Variants in ITK observed in about 807,000 individuals in gnomAD.
The protein encoded by ITK is IL2 inducible T cell kinase.
Under a neutral mutation model 87.6 loss-of-function variants are expected in ITK, and 45 were observed. That is an observed-to-expected ratio of 0.51 (90% CI 0.40 to 0.66). ITK has a LOEUF of 0.66. Ranked by LOEUF, ITK falls within the 30% of genes least tolerant of loss-of-function variation. The pLI, the probability that ITK is intolerant of heterozygous loss-of-function variation, is 0.00. For missense variants in ITK, 605 were observed against 766.3 expected (o/e 0.79, Z 2.48); for synonymous variants, 303 against 273.6 (o/e 1.11, Z -1.06).
chr5:157,201,736 CAAAAA>C (rs34192469), intron 1 of ITK, among the ~76,000 whole-genome samples: 1 of 114,448 alleles, frequency 8.7e-6, no homozygotes. Context: ...TAATTTTCCA[CAAAAA>C]AAAAAAAAAA....
intron 1 of ITK, among the ~76,000 whole-genome samples, chr5:157,187,629 G>A (rs72807039): frequency 0.016 from 2,436 of 152,192 alleles, 27 homozygotes; most frequent in African/African-American, 0.026. Context: ...ATATTCAGGT[G>A]GTTGGAATTT....
intron 1 of ITK, among the ~76,000 whole-genome samples, chr5:157,196,977 C>A (rs1753865423): frequency 6.6e-6 from 1 of 152,138 alleles, no homozygotes; most frequent in African/African-American, 2.4e-5. Context: ...TCACTTAGTT[C>A]TTGCTCCTAA....
chr5:157,243,706 T>C lies in ITK; in HGVS notation c.1144T>C (p.Trp382Arg). The change falls in exon 12 of 17, where the codon TGG becomes CGG. Residue 382 changes from tryptophan (W) to arginine (R), a missense_variant. Trp to Arg is a moderately radical substitution (Grantham distance 101, BLOSUM62 -3). Transcript: ENST00000422843. ...GQFGLVHLGY[W>R]LNKDKVAIKT... ...ATTTGGGTTGGTGCATCTGGGCTAC[T>C]GGCTCAACAAGGACAAGGTGGCTAT... 1 of 1,613,936 alleles carries C rather than the reference T, an allele frequency of 6.2e-7. No individual in the cohort carries two copies. Among genetic ancestry groups the C allele is most frequent in the Non-Finnish European group, 8.5e-7 (1 of 1,179,952 alleles).
rs940096063 is a variant in ITK at position 157,254,974 on chromosome 5, G to C, written c.*2296G>C. 1.9e-5 allele frequency: 4 copies of C among 210,926 alleles called. No homozygotes were observed. The highest frequency in any genetic ancestry group is 6.8e-5 in the African/African-American group (3 of 43,976). The allele number at this position is 210,926 out of a possible 1,614,324, so 13.1% of individuals were successfully genotyped here. A position where few individuals can be genotyped will look rare whatever the true frequency, so the allele number is the denominator to read the frequency against. On this transcript the variant is annotated 3_prime_UTR_variant, in exon 17 of 17. Transcript: ENST00000422843. ...AGAGAACTCCCTTATACAGAGTTTT[G>C]GTTCTAGTTTTATTTCGTAGATTTT... is the stretch of plus-strand genomic sequence containing the variant.
At chr5:157,200,481 C>T (rs577239005) in intron 1 of ITK, among the ~76,000 whole-genome samples, 1 of 152,228 alleles carries the variant, frequency 6.6e-6, no homozygotes, top group East Asian at 1.9e-4. Context: ...AGGCAATCAC[C>T]CTTTCCCAGA....
chr5:157,228,691 A>G (rs1224680832), intron 7 of ITK, among the ~76,000 whole-genome samples: 1 of 152,092 alleles, frequency 6.6e-6, no homozygotes, highest in African/African-American at 2.4e-5. Context: ...CTGGAGTGCA[A>G]TAGTGTGATC....
Position 157,191,172 on chromosome 5 carries a change from C to A in ITK, c.138+10057C>A, listed in dbSNP as rs569181329. ...TTTTTATTTTTGAGACGGAGTCTCA[C>A]TCTGTCACCCAGGCTGGAGTGCAGT... On this transcript the variant is annotated intron_variant, in intron 1 of 16. Transcript: ENST00000422843. 2.0e-5 allele frequency among the ~76,000 whole-genome samples: 3 copies of A among 152,088 alleles called. No homozygotes were observed. In the East Asian group the frequency reaches 5.8e-4, roughly 29 times the overall value.
At chr5:157,195,914 G>T (rs1018598738) in intron 1 of ITK, 1 of 152,200 alleles carries the variant, frequency 6.6e-6, no homozygotes, top group East Asian at 1.9e-4. Flanking sequence ...GAAATGAACA[G>T]CCTTGTAGAT....
At chr5:157,251,457 A>G (rs1279427673) in intron 16 of ITK, among the ~76,000 whole-genome samples, 2 of 152,180 alleles carry the variant, frequency 1.3e-5, no homozygotes, top group Admixed American at 6.5e-5. Context: ...ATGTCTTCTC[A>G]TTCTCTTGAC....
At chr5:157,218,610 C>T (rs1403079678) in intron 5 of ITK, among the ~76,000 whole-genome samples, 1 of 152,060 alleles carries the variant, frequency 6.6e-6, no homozygotes, top group Admixed American at 6.6e-5. Context: ...ACTTCCACCC[C>T]TTTATTATCT....
At chr5:157,223,976 A>G (rs28726) in intron 6 of ITK, among the ~76,000 whole-genome samples, 110,751 of 152,102 alleles carry the variant, frequency 0.73, 40,609 homozygotes, top group East Asian at 0.98. Flanking sequence ...TTGCCCCCAC[A>G]TCAAGTCCAA....
At chr5:157,198,420 C>T (rs533951079) in intron 1 of ITK, among the ~76,000 whole-genome samples, 68 of 152,234 alleles carry the variant, frequency 4.5e-4, no homozygotes, top group South Asian at 8.3e-4. Context: ...TTGTTTTCCT[C>T]ATAGCACATC....
chr5:157,194,003 G>A (rs917017445), intron 1 of ITK, among the ~76,000 whole-genome samples: 7 of 152,156 alleles, frequency 4.6e-5, no homozygotes, highest in Non-Finnish European at 8.8e-5. Flanking sequence ...TTTTGGTGAG[G>A]AAGCAATGGA....
At chr5:157,194,017 A>C (rs553133720) in intron 1 of ITK, among the ~76,000 whole-genome samples, 11 of 152,326 alleles carry the variant, frequency 7.2e-5, no homozygotes, top group African/African-American at 2.4e-4. Flanking sequence ...CAATGGAGCT[A>C]CGAGGACGGT....
At chr5:157,195,378 T>G (rs908526934) in intron 1 of ITK, 1 of 152,266 alleles carries the variant, frequency 6.6e-6, no homozygotes, top group African/African-American at 2.4e-5. Context: ...CCTGCTGGAC[T>G]TCATATCTGT....
At chr5:157,246,228 CAA>C (rs1168888704) in intron 15 of ITK, among the ~76,000 whole-genome samples, 15 of 152,204 alleles carry the variant, frequency 9.9e-5, no homozygotes, top group African/African-American at 3.4e-4. Context: ...AAAGTGGAAA[CAA>C]GAGTTCTGGT....
At chr5:157,231,630 G>A (rs1012660391) in intron 7 of ITK, among the ~76,000 whole-genome samples, 4 of 152,000 alleles carry the variant, frequency 2.6e-5, no homozygotes, top group Admixed American at 6.6e-5. Context: ...ATTATTAACC[G>A]ATGATCAGTC....
At chr5:157,190,300 A>G (rs927089705) in intron 1 of ITK, among the ~76,000 whole-genome samples, 24 of 152,172 alleles carry the variant, frequency 1.6e-4, no homozygotes, top group African/African-American at 5.8e-4. Flanking sequence ...ATATTTTGCC[A>G]TATCTTTATT....
At chr5:157,195,048 T>C (rs180719557) in intron 1 of ITK, 14 of 152,314 alleles carry the variant, frequency 9.2e-5, no homozygotes, top group African/African-American at 3.4e-4. Flanking sequence ...AGATATTGGG[T>C]TGCTGCAAAA....
Sources: gnomAD v4.1 joint callset for allele counts (sites outside exome capture counted in the v4.1 genomes callset) on GRCh38, gnomAD v4.1.1 for gene constraint, MANE v1.5 for transcripts, NCBI Gene and HGNC (gene_info 2026-07-23, HGNC 2026-07-21) for gene names.